MYLK: variants seen among roughly 807,000 people sequenced by gnomAD.
The protein encoded by MYLK is myosin light chain kinase.
MYLK carries 106 observed loss-of-function variants against 203.4 expected under a neutral mutation model. The ratio of observed to expected loss-of-function variants is 0.52; its 90% CI spans 0.45 to 0.61. The LOEUF is 0.61. Among genes scored for constraint, MYLK ranks in the 20% least tolerant of loss-of-function variants. The pLI is 0.00. For missense variants in MYLK, 2,072 were observed against 2,442.3 expected (o/e 0.85, Z 3.20); for synonymous variants, 867 against 959.5 (o/e 0.90, Z 1.78).
Position 123,610,370 on chromosome 3 carries a change from T to A in MYLK, c.*3735A>T, listed in dbSNP as rs2107788623. ...ACTGAGAACCCCAAAATCTTGGTGA[T>A]TTATAAGAACAAATGTTTATTTCTT... is the stretch of plus-strand genomic sequence containing the variant. On this transcript the variant is annotated 3_prime_UTR_variant, in exon 34 of 34. Transcript: ENST00000360304. 6.6e-6 allele frequency: 1 copy of A among 152,270 alleles called. No individual in the cohort carries two copies. Among genetic ancestry groups the A allele is most frequent in the East Asian group, 1.9e-4 (1 of 5,188 alleles). The allele number at this position is 152,270 out of a possible 1,614,324, so 9.4% of individuals were successfully genotyped here. A position where few individuals can be genotyped will look rare whatever the true frequency, so the allele number is the denominator to read the frequency against.
At chr3:123,652,329 G>A (rs2059243042) in intron 24 of MYLK, among the ~76,000 whole-genome samples, 1 of 152,140 alleles carries the variant, frequency 6.6e-6, no homozygotes, top group Admixed American at 6.5e-5. Context: ...TGAGCTATGA[G>A]ATCCATGAGC....
At chr3:123,850,693 T>C (rs973469405) in intron 2 of MYLK, among the ~76,000 whole-genome samples, 1 of 152,244 alleles carries the variant, frequency 6.6e-6, no homozygotes, top group African/African-American at 2.4e-5. Context: ...ATTCTGTAGA[T>C]TGCCTGTTCA....
chr3:123,731,959 T>C (rs1484165669), intron 11 of MYLK, among the ~76,000 whole-genome samples: 1 of 151,290 alleles, frequency 6.6e-6, no homozygotes, highest in Non-Finnish European at 1.5e-5. Flanking sequence ...TGTTACTATA[T>C]ACCTTCTAAT....
intron 19 of MYLK, among the ~76,000 whole-genome samples, chr3:123,683,468 AACAT>A (rs1205768236): frequency 6.6e-6 from 1 of 152,040 alleles, no homozygotes; most frequent in Admixed American, 6.5e-5. Context: ...GGGGGCTGGG[AACAT>A]ACTTCTCCCA....
At chr3:123,828,683 G>A (rs972984173) in intron 3 of MYLK, among the ~76,000 whole-genome samples, 1 of 152,180 alleles carries the variant, frequency 6.6e-6, no homozygotes, top group Non-Finnish European at 1.5e-5. Context: ...TACAGGATGG[G>A]AGAAAATATT....
chr3:123,708,481 G>T (rs1238771527), intron 15 of MYLK, among the ~76,000 whole-genome samples: 1 of 152,174 alleles, frequency 6.6e-6, no homozygotes. Context: ...ACCCAGAGAG[G>T]GCAGGGACTT....
Position 123,648,317 on chromosome 3 carries a change from G to A in MYLK, c.4415+654C>T, listed in dbSNP as rs552454956. 8.9e-4 allele frequency among the ~76,000 whole-genome samples: 135 copies of A among 152,320 alleles called. 2 individuals are homozygous for A. Among genetic ancestry groups the A allele is most frequent in the Non-Finnish European group, 2.5e-4 (17 of 68,028 alleles). ...AGTAAGCAGTGCGAGCCAAGTTCAT[G>A]AGGGAGCTTGATGACTGCTGCGCGT... is the stretch of plus-strand genomic sequence containing the variant. On this transcript the variant is annotated intron_variant, in intron 26 of 33. Transcript: ENST00000360304. The surrounding 1 kb of genome is among the most constrained non-coding windows in gnomAD (Gnocchi z 4.5).
At chr3:123,798,011 G>A (rs2109133940) in intron 3 of MYLK, among the ~76,000 whole-genome samples, 1 of 152,256 alleles carries the variant, frequency 6.6e-6, no homozygotes, top group Admixed American at 6.5e-5. Context: ...GAATTCCCTG[G>A]GAAGGTGGGG....
chr3:123,849,721 C>T (rs533390723), intron 2 of MYLK, among the ~76,000 whole-genome samples: 1 of 151,108 alleles, frequency 6.6e-6, no homozygotes, highest in African/African-American at 2.4e-5. Flanking sequence ...AAGAGATTTT[C>T]TTTTTTTTTC....
chr3:123,850,750 T>C (rs2030686998), intron 2 of MYLK, among the ~76,000 whole-genome samples: 1 of 152,230 alleles, frequency 6.6e-6, no homozygotes, highest in Non-Finnish European at 1.5e-5. Context: ...TTAGTTTAAT[T>C]AGATCCCATT....
At chr3:123,778,512 C>CAAA (rs5852365) in intron 4 of MYLK, among the ~76,000 whole-genome samples, 7 of 98,154 alleles carry the variant, frequency 7.1e-5, no homozygotes, top group Non-Finnish European at 1.4e-4. Flanking sequence ...GACTCTGCCT[C>CAAA]AAAAAAAAAA....
chr3:123,802,535 C>T (rs557014115), intron 3 of MYLK, among the ~76,000 whole-genome samples: 3 of 152,250 alleles, frequency 2.0e-5, no homozygotes, highest in Non-Finnish European at 1.5e-5. Flanking sequence ...CTGGTGCCCA[C>T]ATCTTTGGCA....
rs3085284 is a variant in MYLK at position 123,677,884 on chromosome 3, AATATATATATATATAT to A, written c.3652+4324_3652+4339del. Among the ~76,000 whole-genome samples the A allele has an allele frequency of 9.7e-3, 520 of 53,586 alleles. 13 individuals carry two copies. Among genetic ancestry groups the A allele is most frequent in the African/African-American group, 0.035 (447 of 12,866 alleles). 35.2% of individuals were successfully genotyped at this position (53,586 alleles called of 152,430 possible). A position where few individuals can be genotyped will look rare whatever the true frequency, so the allele number is the denominator to read the frequency against. The stretch of plus-strand genomic sequence containing the variant: ...CTCTATCTAAATGAATAAATAAATG[AATATATATATATATAT>A]ATATATATATATATATATACACACA... On this transcript the variant is annotated intron_variant, in intron 20 of 33. Coordinates refer to ENST00000360304, the MANE Select transcript of MYLK (RefSeq NM_053025.4).
intron 29 of MYLK, among the ~76,000 whole-genome samples, chr3:123,633,276 G>A (rs935055327): frequency 4.0e-5 from 6 of 151,764 alleles, no homozygotes; most frequent in African/African-American, 7.3e-5. Flanking sequence ...ACAGGCGCAC[G>A]CCACCATGCC....
chr3:123,648,220 G>T lies in MYLK; in HGVS notation c.4415+751C>A, dbSNP rs1027651190. On this transcript the variant is annotated intron_variant, in intron 26 of 33. Transcript: ENST00000360304. The surrounding 1 kb of genome is among the most constrained non-coding windows in gnomAD (Gnocchi z 4.5). ...TCTATTCCTCCAGGGACAGCGTAAGGGCAGATGAACAGCTTGGCTCAGGGT... is the reference window on the plus strand; with the variant it reads ...TCTATTCCTCCAGGGACAGCGTAAGTGCAGATGAACAGCTTGGCTCAGGGT... Among the ~76,000 whole-genome samples, 2 of 152,182 alleles carry T rather than the reference G, an allele frequency of 1.3e-5. No homozygotes were observed. The highest frequency in any genetic ancestry group is 4.8e-5 in the African/African-American group (2 of 41,436).
chr3:123,700,984 G>C lies in MYLK; in HGVS notation c.2484C>G (p.Cys828Trp), dbSNP rs748128807. 1.2e-6 allele frequency: 2 copies of C among 1,606,334 alleles called. No homozygotes were observed. Among genetic ancestry groups the C allele is most frequent in the South Asian group, 2.2e-5 (2 of 91,066 alleles). Residue 828 changes from cysteine to tryptophan, a missense_variant, in exon 18 of 34, where the codon TGC becomes TGG. By Grantham distance (215) the Cys-to-Trp change is radical. Transcript: ENST00000360304. ...ALPRGREPAS[C>W]EDLCGGGVGA... ...CAACTCCTCCACCACAGAGGTCCTCGCAGCTGGCAGGCTCCCTCCCCCTGC... is the reference window on the plus strand; with the variant it reads ...CAACTCCTCCACCACAGAGGTCCTCCCAGCTGGCAGGCTCCCTCCCCCTGC...
At chr3:123,672,924 A>C (rs1468165659) in intron 20 of MYLK, among the ~76,000 whole-genome samples, 1 of 152,108 alleles carries the variant, frequency 6.6e-6, no homozygotes, top group Non-Finnish European at 1.5e-5. Flanking sequence ...CTTGGTTCTC[A>C]TCCCAATCAA....
chr3:123,768,717 T>C (rs2063781846), intron 4 of MYLK, among the ~76,000 whole-genome samples: 1 of 152,264 alleles, frequency 6.6e-6, no homozygotes. Context: ...AAGGGGATAA[T>C]CATAGTTCTA....
intron 3 of MYLK, among the ~76,000 whole-genome samples, chr3:123,823,116 C>T (rs1020675670): frequency 6.6e-6 from 1 of 152,200 alleles, no homozygotes; most frequent in East Asian, 1.9e-4. Context: ...ACCACCCCTG[C>T]TTCTTGACAG....
Sources: gnomAD v4.1 joint callset for allele counts (sites outside exome capture counted in the v4.1 genomes callset) on GRCh38, gnomAD v4.1.1 for gene constraint, Gnocchi (gnomAD v3.1) non-coding constraint, MANE v1.5 for transcripts, NCBI Gene and HGNC (gene_info 2026-07-23, HGNC 2026-07-21) for gene names.